COX7B2: variants seen among roughly 807,000 people sequenced by gnomAD.
COX7B2 encodes cytochrome c oxidase subunit 7B2, mitochondrial.
For missense variants in COX7B2, 109 were observed against 95.9 expected (o/e 1.14, Z -0.57); for synonymous variants, 37 against 32.1 (o/e 1.15, Z -0.51).
rs139497355 is a variant in COX7B2 at position 46,896,681 on chromosome 4, T to C, written c.-105+12479A>G. ...GGACTAGAAGAACAAGAATCCTTAATAGAAGTAAACCACAACACACCTCAT... is the reference window on the plus strand; with the variant it reads ...GGACTAGAAGAACAAGAATCCTTAACAGAAGTAAACCACAACACACCTCAT... On this transcript the variant is annotated intron_variant, in intron 1 of 2. Coordinates refer to ENST00000355591, the MANE Select transcript of COX7B2 (RefSeq NM_130902.3). Among the ~76,000 whole-genome samples the C allele has an allele frequency of 4.1e-4, 62 of 152,112 alleles. No homozygotes were observed. The East Asian group carries it at 0.01, about 25-fold the overall frequency.
intron 1 of COX7B2, among the ~76,000 whole-genome samples, chr4:46,902,745 C>T (rs1360051148): frequency 6.6e-6 from 1 of 152,164 alleles, no homozygotes; most frequent in Non-Finnish European, 1.5e-5. Flanking sequence ...GGCATGGTGG[C>T]ACACACCTGT....
intron 2 of COX7B2, among the ~76,000 whole-genome samples, chr4:46,824,741 A>C (rs750602212): frequency 9.9e-5 from 15 of 152,150 alleles, no homozygotes; most frequent in Non-Finnish European, 2.1e-4. Flanking sequence ...CAAATCAATA[A>C]ATGTAATTCA....
intron 2 of COX7B2, among the ~76,000 whole-genome samples, chr4:46,738,392 T>C (rs1388528138): frequency 2.0e-5 from 3 of 152,126 alleles, no homozygotes; most frequent in Non-Finnish European, 4.4e-5. Context: ...GTAAGTCTAT[T>C]ACTAAGAATT....
chr4:46,787,132 T>G (rs940652935), intron 2 of COX7B2, among the ~76,000 whole-genome samples: 4 of 152,214 alleles, frequency 2.6e-5, no homozygotes, highest in African/African-American at 9.6e-5. Context: ...AATAGCGGTT[T>G]AAAGCCTAAT....
chr4:46,735,613 C>T (rs1351451425), intron 2 of COX7B2, among the ~76,000 whole-genome samples: 1 of 151,852 alleles, frequency 6.6e-6, no homozygotes, highest in African/African-American at 2.4e-5. Context: ...CCTCACTCTC[C>T]TCCTCCTCGT....
chr4:46,903,902 A>C (rs896994046), intron 1 of COX7B2: 1 of 152,204 alleles, frequency 6.6e-6, no homozygotes, highest in Non-Finnish European at 1.5e-5. Flanking sequence ...CAGAACATAT[A>C]TCCTTGCTGT....
At chr4:46,837,082 G>A (rs1715563510) in intron 2 of COX7B2, among the ~76,000 whole-genome samples, 1 of 152,056 alleles carries the variant, frequency 6.6e-6, no homozygotes, top group Admixed American at 6.6e-5. Flanking sequence ...ATCTTAACAT[G>A]TTAACTTCAG....
chr4:46,877,705 C>T (rs939118892), intron 1 of COX7B2, among the ~76,000 whole-genome samples: 3 of 151,972 alleles, frequency 2.0e-5, no homozygotes, highest in Non-Finnish European at 4.4e-5. Flanking sequence ...AATAGGTATA[C>T]CAAATACCAA....
intron 2 of COX7B2, among the ~76,000 whole-genome samples, chr4:46,781,893 G>A (rs886464648): frequency 6.4e-4 from 98 of 152,302 alleles, no homozygotes; most frequent in Middle Eastern, 3.4e-3. Context: ...CCGCCTCCCC[G>A]TGTGGCAGGG....
chr4:46,764,458 GC>G (rs1369095288), intron 2 of COX7B2, among the ~76,000 whole-genome samples: 2 of 152,020 alleles, frequency 1.3e-5, no homozygotes, highest in Non-Finnish European at 2.9e-5. Context: ...CAGGAGAACT[GC>G]TTTAGCCTGG....
At chr4:46,735,330 G>T in intron 2 of COX7B2, 89 bp from the exon 3 acceptor site, 2 of 954,842 alleles carry the variant, frequency 2.1e-6, no homozygotes, top group East Asian at 2.6e-5. Flanking sequence ...CCCTTGGAGT[G>T]GTGTTCAGGA....
chr4:46,803,812 C>T (rs1232930534), intron 2 of COX7B2, among the ~76,000 whole-genome samples: 2 of 150,150 alleles, frequency 1.3e-5, no homozygotes, highest in Non-Finnish European at 2.9e-5. Context: ...GCAGTTTATC[C>T]GTCCCCAACC....
intron 2 of COX7B2, among the ~76,000 whole-genome samples, chr4:46,844,622 A>G (rs1340105792): frequency 6.6e-6 from 1 of 152,040 alleles, no homozygotes; most frequent in Non-Finnish European, 1.5e-5. Flanking sequence ...ACAAGTGCTT[A>G]TCTTTTGAAA....
chr4:46,801,163 T>C (rs1052804759), intron 2 of COX7B2, among the ~76,000 whole-genome samples: 2 of 152,166 alleles, frequency 1.3e-5, no homozygotes, highest in African/African-American at 2.4e-5. Context: ...GTTCAGCCAC[T>C]ATGGAAAGCA....
At chr4:46,863,818 T>G (rs1476679982) in intron 1 of COX7B2, among the ~76,000 whole-genome samples, 2 of 152,214 alleles carry the variant, frequency 1.3e-5, no homozygotes, top group Non-Finnish European at 2.9e-5. Flanking sequence ...TTTTATACTC[T>G]TTGCTGTTCT....
intron 2 of COX7B2, among the ~76,000 whole-genome samples, chr4:46,807,187 GT>G (rs924822630): frequency 6.6e-6 from 1 of 151,262 alleles, no homozygotes; most frequent in Non-Finnish European, 1.5e-5. Context: ...GTTATCTTTT[GT>G]TTTTTTTATA....
chr4:46,852,563 T>TACACAC (rs113148039), intron 1 of COX7B2, among the ~76,000 whole-genome samples: 9 of 145,694 alleles, frequency 6.2e-5, no homozygotes, highest in African/African-American at 2.3e-4. Flanking sequence ...AATACACAAA[T>TACACAC]ACACACACAC....
intron 2 of COX7B2, among the ~76,000 whole-genome samples, chr4:46,756,817 A>G (rs1006178231): frequency 6.6e-6 from 1 of 152,226 alleles, no homozygotes; most frequent in Middle Eastern, 3.4e-3. Context: ...AGAAAGGGGA[A>G]CACCTACACA....
At chr4:46,819,815 G>T in intron 2 of COX7B2, among the ~76,000 whole-genome samples, 1 of 152,174 alleles carries the variant, frequency 6.6e-6, no homozygotes, top group East Asian at 1.9e-4. Flanking sequence ...AATTTTTTCA[G>T]TGTCATTGTG....
Sources: gnomAD v4.1 joint callset for allele counts (sites outside exome capture counted in the v4.1 genomes callset) on GRCh38, gnomAD v4.1.1 for gene constraint, MANE v1.5 for transcripts, NCBI Gene and HGNC (gene_info 2026-07-23, HGNC 2026-07-21) for gene names.